Variants in MACROD2 observed in about 807,000 individuals in gnomAD.
MACROD2 encodes the protein mono-ADP ribosylhydrolase 2, also known as ADP-ribose glycohydrolase MACROD2.
MACROD2 carries 36 observed loss-of-function variants against 70.4 expected under a neutral mutation model. The ratio of observed to expected loss-of-function variants is 0.51; its 90% CI spans 0.39 to 0.68. The LOEUF (loss-of-function observed/expected upper bound fraction) is 0.68, where lower values mean the gene tolerates loss of function less well. MACROD2 is among the 30% of genes least tolerant of loss of function. The probability of loss-of-function intolerance (pLI) is 0.00; values close to 1 mark genes in which losing one functional copy is unlikely to be tolerated. For synonymous variants in MACROD2, 172 were observed against 178.8 expected (o/e 0.96, Z 0.30); for missense variants, 496 against 538.4 (o/e 0.92, Z 0.78).
intron 6 of MACROD2, among the ~76,000 whole-genome samples, chr20:15,366,245 A>G (rs543933797): frequency 2.0e-5 from 3 of 152,218 alleles, no homozygotes; most frequent in Non-Finnish European, 2.9e-5. Context: ...GAAGTTTCCA[A>G]TCTCCTTTTT....
At chr20:14,229,052 AG>A (rs146233003) in intron 3 of MACROD2, among the ~76,000 whole-genome samples, 2,349 of 152,200 alleles carry the variant, frequency 0.015, 33 homozygotes, top group Non-Finnish European at 0.022. Flanking sequence ...CAGTATTGCT[AG>A]GATGTCTGTT....
chr20:14,455,605 G>A (rs1169174168), intron 3 of MACROD2, among the ~76,000 whole-genome samples: 1 of 151,824 alleles, frequency 6.6e-6, no homozygotes, highest in African/African-American at 2.4e-5. Context: ...GTAGTTGAAA[G>A]CAACTATAAA....
intron 7 of MACROD2, among the ~76,000 whole-genome samples, chr20:15,455,038 G>A (rs2046704217): frequency 6.6e-6 from 1 of 152,146 alleles, no homozygotes; most frequent in Admixed American, 6.6e-5. Context: ...TGGTCACACA[G>A]AGACCACAAG....
At chr20:13,997,782 A>G (rs970688906) in intron 1 of MACROD2, among the ~76,000 whole-genome samples, 7 of 152,214 alleles carry the variant, frequency 4.6e-5, no homozygotes. Context: ...TTACTGCGAT[A>G]CGAAGACTTT....
At chr20:14,578,292 A>G (rs1980753607) in intron 4 of MACROD2, among the ~76,000 whole-genome samples, 1 of 151,964 alleles carries the variant, frequency 6.6e-6, no homozygotes, top group African/African-American at 2.4e-5. Context: ...ATTTTTATCT[A>G]TTTTTTGATA....
At chr20:15,626,654 A>C (rs888802445) in intron 8 of MACROD2, among the ~76,000 whole-genome samples, 1 of 152,202 alleles carries the variant, frequency 6.6e-6, no homozygotes, top group Non-Finnish European at 1.5e-5. Flanking sequence ...CAGGAGTTTG[A>C]GACCAGCTTG....
chr20:15,404,149 C>G lies in MACROD2; in HGVS notation c.541-27256C>G, dbSNP rs373684386. ...GATGGGCTGTAGACAACTAATATGT[C>G]TGCATACACTGTATTCACTTTTGGA... On this transcript the variant is annotated intron_variant, in intron 6 of 17. Coordinates refer to ENST00000684519, the MANE Select transcript of MACROD2 (RefSeq NM_001351661.2). 9.2e-5 allele frequency among the ~76,000 whole-genome samples: 14 copies of G among 152,248 alleles called. No homozygotes were observed. The South Asian group carries it at 2.9e-3, about 32-fold the overall frequency.
chr20:15,018,485 C>G (rs975010166), intron 5 of MACROD2, among the ~76,000 whole-genome samples: 1 of 152,140 alleles, frequency 6.6e-6, no homozygotes, highest in Non-Finnish European at 1.5e-5. Context: ...CAACCTCTGC[C>G]TGTTATCCAG....
intron 3 of MACROD2, among the ~76,000 whole-genome samples, chr20:14,190,389 T>A (rs2081374895): frequency 6.6e-6 from 1 of 152,040 alleles, no homozygotes; most frequent in Non-Finnish European, 1.5e-5. Context: ...TCCTAATTAG[T>A]GTTTAGAATA....
At chr20:15,191,515 C>G (rs2145915056) in intron 5 of MACROD2, among the ~76,000 whole-genome samples, 1 of 152,308 alleles carries the variant, frequency 6.6e-6, no homozygotes, top group South Asian at 2.1e-4. Flanking sequence ...CCGAACCCAG[C>G]CCTTCACTGA....
intron 4 of MACROD2, among the ~76,000 whole-genome samples, chr20:14,671,268 T>G (rs2070791640): frequency 6.6e-6 from 1 of 152,156 alleles, no homozygotes; most frequent in African/African-American, 2.4e-5. Context: ...AATATTTTGT[T>G]TACTATGAAT....
At chr20:15,975,277 A>T (rs1223932807) in intron 13 of MACROD2, among the ~76,000 whole-genome samples, 2 of 152,160 alleles carry the variant, frequency 1.3e-5, no homozygotes, top group African/African-American at 4.8e-5. Context: ...ACACGCTCGC[A>T]TAATATTCGT....
In MACROD2 at chr20:14,173,745, A is replaced by T. The variant is rs138713804; in HGVS notation, c.271+88017A>T. On this transcript the variant is annotated intron_variant, in intron 3 of 17. Coordinates refer to ENST00000684519, the MANE Select transcript of MACROD2 (RefSeq NM_001351661.2). ...TTCTAGTTCCTTCTCATTTGGGTAGACTATGCTAGAGGGAAGATCTAGGGC... is the reference window on the plus strand; with the variant it reads ...TTCTAGTTCCTTCTCATTTGGGTAGTCTATGCTAGAGGGAAGATCTAGGGC... 5.3e-4 allele frequency among the ~76,000 whole-genome samples: 81 copies of T among 152,236 alleles called. 1 individual carries two copies. In the East Asian group the frequency reaches 0.015, roughly 28 times the overall value.
chr20:14,248,199 C>A (rs1315252853), intron 3 of MACROD2, among the ~76,000 whole-genome samples: 2 of 152,170 alleles, frequency 1.3e-5, no homozygotes, highest in African/African-American at 2.4e-5. Context: ...CAAGCAACCA[C>A]AGATTGTCCG....
intron 3 of MACROD2, among the ~76,000 whole-genome samples, chr20:14,308,560 C>T (rs1225555378): frequency 1.3e-5 from 2 of 152,104 alleles, no homozygotes; most frequent in Admixed American, 1.3e-4. Context: ...TAGCATGGTA[C>T]TTAAGAAAAT....
chr20:15,467,826 T>C (rs947267436), intron 7 of MACROD2, among the ~76,000 whole-genome samples: 1 of 152,290 alleles, frequency 6.6e-6, no homozygotes. Flanking sequence ...GAGTGTATAG[T>C]GGCAAGGGAG....
intron 5 of MACROD2, among the ~76,000 whole-genome samples, chr20:14,967,893 T>C (rs1490678914): frequency 3.3e-5 from 5 of 152,298 alleles, no homozygotes; most frequent in African/African-American, 1.2e-4. Context: ...GTTACCAGGA[T>C]AAGGAAGATA....
At chr20:14,355,570 G>T (rs567904331) in intron 3 of MACROD2, among the ~76,000 whole-genome samples, 4 of 144,830 alleles carry the variant, frequency 2.8e-5, no homozygotes, top group South Asian at 4.6e-4. Flanking sequence ...CATTTATGTG[G>T]TTTTTTTGTG....
At chr20:14,614,505 T>C (rs1434362923) in intron 4 of MACROD2, among the ~76,000 whole-genome samples, 1 of 152,146 alleles carries the variant, frequency 6.6e-6, no homozygotes, top group Non-Finnish European at 1.5e-5. Flanking sequence ...TTGGGAACGA[T>C]GGCCGTAAAT....
Sources: gnomAD v4.1 joint callset for allele counts (sites outside exome capture counted in the v4.1 genomes callset) on GRCh38, gnomAD v4.1.1 for gene constraint, MANE v1.5 for transcripts, NCBI Gene and HGNC (gene_info 2026-07-23, HGNC 2026-07-21) for gene names.